Variants in CADM2 observed in about 807,000 individuals in gnomAD.
The protein encoded by CADM2 is immunoglobulin superfamily member 4D.
In CADM2, 12 loss-of-function variants were observed where a neutral mutation model predicts 49.8. The ratio of observed to expected loss-of-function variants is 0.24; its 90% CI spans 0.15 to 0.39. The LOEUF (loss-of-function observed/expected upper bound fraction) is 0.39. Ranked by LOEUF, CADM2 falls within the 10% of genes least tolerant of loss-of-function variation. The pLI, the probability that CADM2 is intolerant of heterozygous loss-of-function variation, is 1.00. For synonymous variants in CADM2, 214 were observed against 175.4 expected (o/e 1.22, Z -1.74); for missense variants, 378 against 492.3 (o/e 0.77, Z 2.20).
At chr3:85,948,028 T>C (rs937018587) in intron 7 of CADM2, among the ~76,000 whole-genome samples, 2 of 151,600 alleles carry the variant, frequency 1.3e-5, no homozygotes, top group Non-Finnish European at 3.0e-5. Flanking sequence ...AATGGTACTG[T>C]CATATACGTT....
chr3:85,118,205 G>A (rs2038713386), intron 1 of CADM2, among the ~76,000 whole-genome samples: 1 of 151,380 alleles, frequency 6.6e-6, no homozygotes, highest in Non-Finnish European at 1.5e-5. Flanking sequence ...TTTATATGAA[G>A]TTATATGGGA....
chr3:85,635,561 G>T (rs1329392177), intron 1 of CADM2, among the ~76,000 whole-genome samples: 2 of 152,060 alleles, frequency 1.3e-5, no homozygotes, highest in Admixed American at 6.5e-5. Context: ...ACAACTAAAA[G>T]AAAAAATCTT....
chr3:85,410,831 A>G (rs1239332288), intron 1 of CADM2, among the ~76,000 whole-genome samples: 1 of 152,186 alleles, frequency 6.6e-6, no homozygotes, highest in Non-Finnish European at 1.5e-5. Flanking sequence ...CTGCTGAAAA[A>G]GAGTCTAAAT....
chr3:85,948,929 G>A (rs974907717), intron 7 of CADM2, among the ~76,000 whole-genome samples: 5 of 151,286 alleles, frequency 3.3e-5, no homozygotes, highest in African/African-American at 1.2e-4. Context: ...TTATAAAGAC[G>A]GATAATAGAG....
chr3:85,827,505 T>G (rs551768979), intron 3 of CADM2, among the ~76,000 whole-genome samples: 13 of 152,092 alleles, frequency 8.5e-5, no homozygotes, highest in Admixed American at 4.6e-4. Flanking sequence ...CTTTAGAAAT[T>G]CAAGTGATTC....
chr3:85,459,017 G>A (rs887290684), intron 1 of CADM2, among the ~76,000 whole-genome samples: 2 of 152,138 alleles, frequency 1.3e-5, no homozygotes, highest in African/African-American at 4.8e-5. Context: ...ATAGAAAATT[G>A]AGCTTGATTA....
intron 1 of CADM2, among the ~76,000 whole-genome samples, chr3:85,586,455 A>G (rs2062949186): frequency 6.6e-6 from 1 of 152,150 alleles, no homozygotes; most frequent in African/African-American, 2.4e-5. Context: ...AAGGAAAAAT[A>G]AAATGATAAT....
intron 1 of CADM2, among the ~76,000 whole-genome samples, chr3:85,125,424 G>A (rs1225995416): frequency 1.3e-5 from 2 of 151,644 alleles, no homozygotes; most frequent in East Asian, 1.9e-4. Flanking sequence ...GCAGTGACAC[G>A]ATCACTGTCA....
chr3:85,945,653 T>C (rs1251311988), intron 7 of CADM2, among the ~76,000 whole-genome samples: 1 of 152,068 alleles, frequency 6.6e-6, no homozygotes, highest in African/African-American at 2.4e-5. Flanking sequence ...TAATCCAGCA[T>C]ATAAACAGAA....
intron 1 of CADM2, among the ~76,000 whole-genome samples, chr3:84,990,133 A>G (rs2032798485): frequency 6.6e-6 from 1 of 151,742 alleles, no homozygotes; most frequent in Non-Finnish European, 1.5e-5. Context: ...GGATTTCAAG[A>G]ATATAATTCT....
intron 1 of CADM2, among the ~76,000 whole-genome samples, chr3:85,557,342 AAAGT>A (rs2061984343): frequency 6.6e-6 from 1 of 151,980 alleles, no homozygotes; most frequent in Admixed American, 6.6e-5. Flanking sequence ...ATTAGAGAAC[AAAGT>A]AAGAATGAAA....
intron 1 of CADM2, among the ~76,000 whole-genome samples, chr3:85,054,173 G>A (rs1308448751): frequency 6.6e-6 from 1 of 151,810 alleles, no homozygotes; most frequent in Non-Finnish European, 1.5e-5. Context: ...AAGAAGAAAG[G>A]AAGAGAAATT....
chr3:85,149,711 A>C (rs2107643679), intron 1 of CADM2, among the ~76,000 whole-genome samples: 1 of 152,358 alleles, frequency 6.6e-6, no homozygotes, highest in East Asian at 1.9e-4. Flanking sequence ...TGGGCAACAG[A>C]GCGAGACTCC....
intron 1 of CADM2, among the ~76,000 whole-genome samples, chr3:85,620,016 A>G (rs960135258): frequency 2.6e-5 from 4 of 152,196 alleles, no homozygotes; most frequent in Non-Finnish European, 5.9e-5. Flanking sequence ...AGTGATAGTT[A>G]TGCTCAAAAC....
intron 8 of CADM2, among the ~76,000 whole-genome samples, chr3:86,031,627 A>G (rs1425547578): frequency 6.6e-6 from 1 of 151,816 alleles, no homozygotes; most frequent in East Asian, 1.9e-4. Flanking sequence ...TTAGTCATTC[A>G]CTTATTTATC....
chr3:85,432,620 A>C (rs953707743), intron 1 of CADM2, among the ~76,000 whole-genome samples: 1 of 152,180 alleles, frequency 6.6e-6, no homozygotes, highest in Non-Finnish European at 1.5e-5. Context: ...TGTAGTGTAC[A>C]TAAAACAACA....
At chr3:85,304,240 ACGTGTTATTCTTAC>A (rs2044164178) in intron 1 of CADM2, among the ~76,000 whole-genome samples, 1 of 151,816 alleles carries the variant, frequency 6.6e-6, no homozygotes, top group Non-Finnish European at 1.5e-5. Context: ...AAAGTGGTAG[ACGTGTTATTCTTAC>A]CGTACTCCTT....
chr3:85,032,199 G>A (rs975618674), intron 1 of CADM2, among the ~76,000 whole-genome samples: 3 of 144,546 alleles, frequency 2.1e-5, no homozygotes, highest in Non-Finnish European at 4.5e-5. Flanking sequence ...AGAAGGTTTG[G>A]TAGTCCCAGT....
intron 1 of CADM2, among the ~76,000 whole-genome samples, chr3:85,566,713 G>A (rs2062271065): frequency 6.6e-6 from 1 of 152,146 alleles, no homozygotes; most frequent in Non-Finnish European, 1.5e-5. Context: ...TTTTAGTTTA[G>A]TTGATGTAGA....
Sources: gnomAD v4.1 joint callset for allele counts (sites outside exome capture counted in the v4.1 genomes callset) on GRCh38, gnomAD v4.1.1 for gene constraint, MANE v1.5 for transcripts, NCBI Gene and HGNC (gene_info 2026-07-23, HGNC 2026-07-21) for gene names.